KIAA1217: variants seen among roughly 807,000 people sequenced by gnomAD.
KIAA1217 encodes the protein KIAA1217.
In KIAA1217, 88 loss-of-function variants were observed where a neutral mutation model predicts 163.9. The observed-to-expected ratio is 0.54, with a 90% CI of 0.45 to 0.64. The LOEUF (loss-of-function observed/expected upper bound fraction) is 0.64. KIAA1217 is among the 30% of genes least tolerant of loss of function. The pLI, the probability that KIAA1217 is intolerant of heterozygous loss-of-function variation, is 0.00. For synonymous variants in KIAA1217, 903 were observed against 923.1 expected, an observed-to-expected ratio of 0.98 and a Z score of 0.39; for missense variants, 2,372 against 2,475.0, an observed-to-expected ratio of 0.96 and a Z score of 0.88.
chr10:24,151,336 T>C (rs1378633610), intron 2 of KIAA1217, among the ~76,000 whole-genome samples: 6 of 151,256 alleles, frequency 4.0e-5, no homozygotes, highest in Non-Finnish European at 8.8e-5. Flanking sequence ...CATTCATGAT[T>C]AAGGATAAGG....
At chr10:24,224,596 A>G (rs111302122) in intron 2 of KIAA1217, among the ~76,000 whole-genome samples, 4,532 of 152,180 alleles carry the variant, frequency 0.03, 102 homozygotes, top group Non-Finnish European at 0.05. Context: ...TTGGGATTAC[A>G]GGTGTGAGCC....
chr10:24,047,673 A>G (rs1849137248), intron 2 of KIAA1217, among the ~76,000 whole-genome samples: 2 of 152,174 alleles, frequency 1.3e-5, no homozygotes, highest in African/African-American at 2.4e-5. Context: ...TAAGGAGTAA[A>G]CTTACATGCA....
At chr10:23,891,574 T>TGTC (rs1440094029) in intron 1 of KIAA1217, among the ~76,000 whole-genome samples, 1 of 151,946 alleles carries the variant, frequency 6.6e-6, no homozygotes, top group African/African-American at 2.4e-5. Context: ...TTTGGGAAAT[T>TGTC]GTCCCCAGGC....
At chr10:24,188,977 G>A (rs1167841152) in intron 2 of KIAA1217, among the ~76,000 whole-genome samples, 1 of 151,854 alleles carries the variant, frequency 6.6e-6, no homozygotes, top group Non-Finnish European at 1.5e-5. Context: ...GTGGTGGCAG[G>A]TGCCTGTAGT....
intron 3 of KIAA1217, among the ~76,000 whole-genome samples, chr10:24,401,817 T>C (rs1256009050): frequency 1.6e-5 from 2 of 127,316 alleles, no homozygotes; most frequent in Non-Finnish European, 3.1e-5. Flanking sequence ...ACATAGGAAA[T>C]CCAATGAATG....
At chr10:23,815,127 T>C (rs1837254928) in intron 1 of KIAA1217, among the ~76,000 whole-genome samples, 1 of 152,178 alleles carries the variant, frequency 6.6e-6, no homozygotes, top group Non-Finnish European at 1.5e-5. Flanking sequence ...ATTATTATTA[T>C]TATCTTGTTG....
At chr10:24,386,372 A>G (rs2054005040) in intron 3 of KIAA1217, among the ~76,000 whole-genome samples, 1 of 152,190 alleles carries the variant, frequency 6.6e-6, no homozygotes, top group African/African-American at 2.4e-5. Flanking sequence ...GAATTTAAGG[A>G]AAAGAAGGCT....
At chr10:23,732,412 A>G (rs749598123) in intron 1 of KIAA1217, among the ~76,000 whole-genome samples, 61 of 152,168 alleles carry the variant, frequency 4.0e-4, no homozygotes, top group Non-Finnish European at 8.5e-4. Flanking sequence ...TTAAAAATCA[A>G]TGGTTTTAAA....
chr10:23,949,012 G>T (rs573145613), intron 1 of KIAA1217, among the ~76,000 whole-genome samples: 1 of 152,032 alleles, frequency 6.6e-6, no homozygotes, highest in Admixed American at 6.6e-5. Flanking sequence ...AGATATGAAA[G>T]GTACCTAAAT....
chr10:24,468,451 A>C (rs998453191), intron 5 of KIAA1217, among the ~76,000 whole-genome samples: 2 of 152,228 alleles, frequency 1.3e-5, no homozygotes, highest in Admixed American at 6.5e-5. Context: ...GCAAACCAAC[A>C]TAAGAATTCT....
intron 1 of KIAA1217, among the ~76,000 whole-genome samples, chr10:23,934,563 A>ATATATATATATATATATATATATATATG (rs1338818947): frequency 4.5e-5 from 2 of 44,328 alleles, no homozygotes; most frequent in Non-Finnish European, 7.2e-5. Context: ...TAAAGTATAT[A>ATATATATATATATATATATATATATATG]TATATATATA....
At chr10:24,492,796 C>T (rs2066308969) in intron 6 of KIAA1217, among the ~76,000 whole-genome samples, 1 of 97,246 alleles carries the variant, frequency 1.0e-5, no homozygotes, top group South Asian at 3.6e-4. Flanking sequence ...ATTCAGGATG[C>T]AGATGCACCA....
chr10:24,150,588 T>C (rs1219506884), intron 2 of KIAA1217, among the ~76,000 whole-genome samples: 1 of 152,184 alleles, frequency 6.6e-6, no homozygotes, highest in Non-Finnish European at 1.5e-5. Context: ...AGAGTGTAAG[T>C]ATTAGAGCTC....
intron 5 of KIAA1217, among the ~76,000 whole-genome samples, chr10:24,465,548 G>C (rs530408732): frequency 6.6e-6 from 1 of 152,238 alleles, no homozygotes; most frequent in Non-Finnish European, 1.5e-5. Flanking sequence ...CCAGCCCAGT[G>C]AGTGGAGTTC....
chr10:23,728,973 C>T (rs187173800), intron 1 of KIAA1217, among the ~76,000 whole-genome samples: 53 of 152,324 alleles, frequency 3.5e-4, no homozygotes, highest in African/African-American at 1.2e-3. Context: ...CCCCCACTCC[C>T]AACCCGACTG....
At position 23,792,671 on chromosome 10, in the gene KIAA1217, T is replaced by A. The variant is rs1275970136; in HGVS notation, c.-321+97437T>A. Among the ~76,000 whole-genome samples, 13 of 147,518 alleles carry A rather than the reference T, an allele frequency of 8.8e-5. No individual in the cohort carries two copies. The East Asian group carries it at 1.8e-3, about 21-fold the overall frequency. ...CCACGCCCGGCTAATTTTTTGTATT[T>A]TTTTTTTTTTTTAATAGAGACAGGG... On this transcript the variant is annotated intron_variant, in intron 1 of 18. Transcript: ENST00000376462.
chr10:23,959,327 C>A (rs1325560471), intron 1 of KIAA1217, among the ~76,000 whole-genome samples: 1 of 151,978 alleles, frequency 6.6e-6, no homozygotes, highest in Non-Finnish European at 1.5e-5. Flanking sequence ...GCTAGGAGTT[C>A]GAGACCAGCC....
intron 1 of KIAA1217, among the ~76,000 whole-genome samples, chr10:23,697,016 C>T (rs941333826): frequency 7.2e-5 from 11 of 152,128 alleles, no homozygotes; most frequent in Admixed American, 7.2e-4. Context: ...CATGAACGTT[C>T]GAAAGTGTAT....
chr10:24,385,041 C>T (rs542670298), intron 3 of KIAA1217, among the ~76,000 whole-genome samples: 73 of 152,306 alleles, frequency 4.8e-4, no homozygotes, highest in African/African-American at 1.6e-3. Flanking sequence ...GCCCAGTTCC[C>T]GGCCTGTACA....
Sources: gnomAD v4.1 joint callset for allele counts (sites outside exome capture counted in the v4.1 genomes callset) on GRCh38, gnomAD v4.1.1 for gene constraint, MANE v1.5 for transcripts, NCBI Gene and HGNC (gene_info 2026-07-23, HGNC 2026-07-21) for gene names.